The following SORCS3 variants were observed in gnomAD, a reference collection of about 807,000 sequenced individuals.
SORCS3 encodes sortilin related VPS10 domain containing receptor 3, also known as VPS10 domain-containing receptor SorCS3.
SORCS3 carries 57 observed loss-of-function variants against 146.3 expected under a neutral mutation model. The observed-to-expected ratio is 0.39, with a 90% CI of 0.31 to 0.49. SORCS3 has a LOEUF of 0.49. Ranked by LOEUF, SORCS3 falls within the 20% of genes least tolerant of loss-of-function variation. The probability of loss-of-function intolerance (pLI) is 0.92; values close to 1 mark genes in which losing one functional copy is unlikely to be tolerated. For missense variants in SORCS3, 1,341 were observed against 1,575.5 expected (o/e 0.85, Z 2.52); for synonymous variants, 653 against 618.5 (o/e 1.06, Z -0.83).
At chr10:105,216,785 A>T (rs1014547939) in intron 18 of SORCS3, 151 bp from the exon 19 acceptor site, 2 of 728,232 alleles carry the variant, frequency 2.7e-6, no homozygotes, top group Non-Finnish European at 2.3e-6. Context: ...TGCGGATCAG[A>T]TAGGAGTGTG....
At chr10:104,758,485 G>A (rs1305060669) in intron 1 of SORCS3, among the ~76,000 whole-genome samples, 1 of 152,156 alleles carries the variant, frequency 6.6e-6, no homozygotes, top group Non-Finnish European at 1.5e-5. Context: ...GATTAAGGTG[G>A]TAGGGAGAGT....
At chr10:104,672,708 C>T (rs2015869534) in intron 1 of SORCS3, among the ~76,000 whole-genome samples, 1 of 152,072 alleles carries the variant, frequency 6.6e-6, no homozygotes, top group African/African-American at 2.4e-5. Context: ...TTCTTTGCTG[C>T]ATTGTTTGTT....
chr10:105,262,595 CAA>C (rs1165372821), intron 26 of SORCS3, 104 bp downstream of exon 26: 17 of 1,144,482 alleles, frequency 1.5e-5, no homozygotes, highest in Non-Finnish European at 2.1e-5. Flanking sequence ...TGGGGACAAA[CAA>C]CTACCTACAG....
At chr10:104,697,433 A>G (rs922910363) in intron 1 of SORCS3, among the ~76,000 whole-genome samples, 4 of 152,188 alleles carry the variant, frequency 2.6e-5, no homozygotes, top group Admixed American at 2.6e-4. Context: ...ATTGGCTATC[A>G]TGTAGATTTG....
rs527281535 is a variant in SORCS3, at chr10:105,264,151, G to C, written c.*777G>C. On this transcript the variant is annotated 3_prime_UTR_variant, in exon 27 of 27. Coordinates refer to ENST00000369701, the MANE Select transcript of SORCS3 (RefSeq NM_014978.3). ...TACTTATGTATATAAAGGGGGGTGG[G>C]GGGAGGGGCTTCTCTGGGGCAATTG... 8.4e-6 allele frequency: 1 copy of C among 118,386 alleles called. No individual in the cohort carries two copies. The highest frequency in any genetic ancestry group is 1.7e-5 in the Non-Finnish European group (1 of 59,312). The allele number at this position is 118,386 out of a possible 1,614,324, so 7.3% of individuals were successfully genotyped here. A position where few individuals can be genotyped will look rare whatever the true frequency, so the allele number is the denominator to read the frequency against.
chr10:105,044,489 G>A (rs765057315), intron 5 of SORCS3, among the ~76,000 whole-genome samples: 3 of 152,242 alleles, frequency 2.0e-5, no homozygotes, highest in Middle Eastern at 3.4e-3. Context: ...AAACTCATGT[G>A]ATAGCCGTTT....
chr10:104,957,769 G>T (rs2019510792), intron 3 of SORCS3, among the ~76,000 whole-genome samples: 2 of 151,994 alleles, frequency 1.3e-5, no homozygotes, highest in African/African-American at 4.8e-5. Context: ...TCTTTTCCCT[G>T]CCTGTCTGGG....
intron 1 of SORCS3, among the ~76,000 whole-genome samples, chr10:104,839,760 G>A (rs917741181): frequency 1.6e-4 from 25 of 152,328 alleles, no homozygotes; most frequent in South Asian, 2.1e-4. Context: ...AGAAGCAGAC[G>A]TAAAGATGAA....
chr10:105,122,623 G>T (rs567639335), intron 7 of SORCS3, among the ~76,000 whole-genome samples: 4 of 152,184 alleles, frequency 2.6e-5, no homozygotes, highest in Non-Finnish European at 5.9e-5. Flanking sequence ...GACGGAGAAC[G>T]TGTCAGTCCT....
chr10:105,104,536 GA>G (rs2055807990), intron 6 of SORCS3, among the ~76,000 whole-genome samples: 1 of 152,144 alleles, frequency 6.6e-6, no homozygotes, highest in Non-Finnish European at 1.5e-5. Flanking sequence ...GAGATCTCTA[GA>G]AGATTTTTAC....
Position 104,996,501 on chromosome 10 carries a change from C to T in SORCS3, c.954+19008C>T, listed in dbSNP as rs115436823. On this transcript the variant is annotated intron_variant, in intron 4 of 26. Coordinates refer to ENST00000369701, the MANE Select transcript of SORCS3 (RefSeq NM_014978.3). ...AAAAAAATTTCTGCTGTTTTTGTTG[C>T]CAGTACATAGAACAAATGGAAAAAT... Among the ~76,000 whole-genome samples, 353 of 152,046 alleles carry T rather than the reference C, an allele frequency of 2.3e-3. 1 individual carries two copies. Among genetic ancestry groups the T allele is most frequent in the African/African-American group, 7.9e-3 (329 of 41,480 alleles).
chr10:105,225,863 T>A (rs2056731117), intron 20 of SORCS3, among the ~76,000 whole-genome samples: 1 of 152,016 alleles, frequency 6.6e-6, no homozygotes, highest in Non-Finnish European at 1.5e-5. Context: ...GGGTATTTTA[T>A]GTTTTTGTTT....
chr10:105,057,592 A>G (rs879625287), intron 5 of SORCS3, among the ~76,000 whole-genome samples: 1 of 152,166 alleles, frequency 6.6e-6, no homozygotes, highest in Non-Finnish European at 1.5e-5. Context: ...CCACACTCAC[A>G]TGGACATGAT....
intron 3 of SORCS3, among the ~76,000 whole-genome samples, chr10:104,943,505 C>G (rs114390892): frequency 0.01 from 1,592 of 152,190 alleles, 26 homozygotes; most frequent in African/African-American, 0.036. Context: ...TACAATGAAT[C>G]AAGTCATGAA....
intron 2 of SORCS3, among the ~76,000 whole-genome samples, chr10:104,868,742 G>A (rs889567672): frequency 1.3e-5 from 2 of 152,194 alleles, no homozygotes; most frequent in African/African-American, 2.4e-5. Flanking sequence ...GGGAATTTGA[G>A]TCCCTGAGCT....
intron 6 of SORCS3, among the ~76,000 whole-genome samples, chr10:105,092,938 C>T (rs924098792): frequency 6.6e-6 from 1 of 152,126 alleles, no homozygotes; most frequent in Non-Finnish European, 1.5e-5. Flanking sequence ...ACTCTTAACA[C>T]TTTTATTCAA....
chr10:105,114,193 C>T (rs2055878007), intron 7 of SORCS3, among the ~76,000 whole-genome samples: 3 of 151,676 alleles, frequency 2.0e-5, no homozygotes, highest in Admixed American at 2.0e-4. Flanking sequence ...TGAAACCCTG[C>T]CCTATACTCT....
Position 104,735,456 on chromosome 10 carries a change from G to GCTTTTTTTTTTTTTTTTTTTTTTTT in SORCS3, c.627+93502_627+93503insCTTTTTTTTTTTTTTTTTTTTTTTT, listed in dbSNP as rs2016757194. Among the ~76,000 whole-genome samples, 2 of 34,994 alleles carry GCTTTTTTTTTTTTTTTTTTTTTTTT rather than the reference G, an allele frequency of 5.7e-5. 1 individual carries two copies. 23.0% of individuals were successfully genotyped at this position (34,994 alleles called of 152,430 possible). ...CGGTATTCATGAGCTCTCACCGTCT[G>GCTTTTTTTTTTTTTTTTTTTTTTTT]TTTTTTTTTTTTTTTTTTTTTAATC... is the stretch of plus-strand genomic sequence containing the variant. On this transcript the variant is annotated intron_variant, in intron 1 of 26. Coordinates refer to ENST00000369701, the MANE Select transcript of SORCS3 (RefSeq NM_014978.3).
At chr10:105,092,498 C>A (rs60251153) in intron 6 of SORCS3, among the ~76,000 whole-genome samples, 16,337 of 151,882 alleles carry the variant, frequency 0.11, 982 homozygotes, top group East Asian at 0.17. Flanking sequence ...AAGTACACAT[C>A]GCAAAACTGC....
Sources: allele counts gnomAD v4.1 joint callset (sites outside exome capture counted in the v4.1 genomes callset), GRCh38; gene constraint gnomAD v4.1.1; transcripts MANE v1.5; gene names NCBI Gene and HGNC (gene_info 2026-07-23, HGNC 2026-07-21).